UST: variants seen among roughly 807,000 people sequenced by gnomAD.
UST encodes uronyl 2-sulfotransferase.
UST carries 21 observed loss-of-function variants against 45.6 expected under a neutral mutation model. That is an observed-to-expected ratio of 0.46 (90% CI 0.33 to 0.66). The LOEUF is 0.66. UST is among the 30% of genes least tolerant of loss of function. UST has a pLI of 0.02. For missense variants in UST, 463 were observed against 512.4 expected, an observed-to-expected ratio of 0.90 and a Z score of 0.93; for synonymous variants, 215 against 200.6, an observed-to-expected ratio of 1.07 and a Z score of -0.61.
chr6:148,877,631 G>A lies in UST; in HGVS notation c.248-9355G>A, dbSNP rs189192962. ...GGGTCGTGTATGAGTGTGAGGGGTCGTGTATGAGTGTGGGGTCGTGTATGA... is the reference window on the plus strand; with the variant it reads ...GGGTCGTGTATGAGTGTGAGGGGTCATGTATGAGTGTGGGGTCGTGTATGA... On this transcript the variant is annotated intron_variant, in intron 1 of 7. Transcript: ENST00000367463. Among the ~76,000 whole-genome samples the A allele has an allele frequency of 7.6e-4, 99 of 130,640 alleles. 1 individual carries two copies. The East Asian group carries it at 0.023, about 31-fold the overall frequency. The allele number at this position is 130,640 out of a possible 152,430, so 85.7% of individuals were successfully genotyped here. A position where few individuals can be genotyped will look rare whatever the true frequency, so the allele number is the denominator to read the frequency against.
At position 149,039,695 on chromosome 6, in the gene UST, T is replaced by C. The variant is rs995142480; in HGVS notation, c.937+18214T>C. ...TTTGTAGCTTTTTCTATTTTTGTGA[T>C]CAAACAAAAAAAAGGACGACAGTGA... On this transcript the variant is annotated intron_variant, in intron 7 of 7. Transcript: ENST00000367463. 2.6e-5 allele frequency among the ~76,000 whole-genome samples: 4 copies of C among 151,984 alleles called. No individual in the cohort carries two copies. The East Asian group carries it at 7.7e-4, about 29-fold the overall frequency.
At chr6:148,784,171 T>C (rs1047588708) in intron 1 of UST, among the ~76,000 whole-genome samples, 2 of 152,140 alleles carry the variant, frequency 1.3e-5, no homozygotes, top group Non-Finnish European at 2.9e-5. Flanking sequence ...TAACCACATT[T>C]CACTCACTAT....
intron 5 of UST, among the ~76,000 whole-genome samples, chr6:148,984,706 T>A (rs1781207714): frequency 6.6e-6 from 1 of 152,128 alleles, no homozygotes; most frequent in East Asian, 1.9e-4. Context: ...AATGGGGCCT[T>A]GCTGTGTTTC....
At chr6:148,827,444 C>A (rs747333381) in intron 1 of UST, among the ~76,000 whole-genome samples, 9 of 151,990 alleles carry the variant, frequency 5.9e-5, no homozygotes, top group Non-Finnish European at 1.0e-4. Flanking sequence ...CATAGTGAAA[C>A]CTTGTCTCTA....
At chr6:149,000,565 G>A (rs1319587707) in intron 5 of UST, among the ~76,000 whole-genome samples, 1 of 151,770 alleles carries the variant, frequency 6.6e-6, no homozygotes, top group Non-Finnish European at 1.5e-5. Flanking sequence ...AAGGAACATG[G>A]AAAAAAAATC....
At chr6:148,998,705 G>A (rs1035898135) in intron 5 of UST, among the ~76,000 whole-genome samples, 1 of 152,214 alleles carries the variant, frequency 6.6e-6, no homozygotes, top group African/African-American at 2.4e-5. Context: ...CTTATTTTAA[G>A]AGTTTCATCA....
intron 1 of UST, among the ~76,000 whole-genome samples, chr6:148,855,887 G>A (rs898023777): frequency 7.9e-5 from 12 of 152,264 alleles, no homozygotes; most frequent in Admixed American, 7.8e-4. Context: ...GCAGGAACTA[G>A]GGCAGCACCT....
intron 1 of UST, among the ~76,000 whole-genome samples, chr6:148,865,199 T>C (rs1778401538): frequency 6.6e-6 from 1 of 152,222 alleles, no homozygotes; most frequent in Admixed American, 6.5e-5. Context: ...GTTAAAGGGA[T>C]TTGACTCGAA....
chr6:148,957,103 CAGTCAAG>C (rs1165219943), intron 4 of UST, among the ~76,000 whole-genome samples: 2 of 152,150 alleles, frequency 1.3e-5, no homozygotes, highest in Non-Finnish European at 2.9e-5. Flanking sequence ...ACTGGAACAG[CAGTCAAG>C]AGTTTTAAGC....
chr6:148,877,723 TG>T (rs1778712740), intron 1 of UST, among the ~76,000 whole-genome samples: 1 of 16,588 alleles, frequency 6.0e-5, no homozygotes. Flanking sequence ...ATGAGTGGGG[TG>T]GTCGTGTATG....
Position 149,027,275 on chromosome 6 carries a change from G to C in UST, c.937+5794G>C, listed in dbSNP as rs1776063459. 2.0e-5 allele frequency among the ~76,000 whole-genome samples: 3 copies of C among 152,140 alleles called. No individual in the cohort carries two copies. In the South Asian group the frequency reaches 6.2e-4, roughly 32 times the overall value. The stretch of plus-strand genomic sequence containing the variant: ...AATCCATCAATAAAAATATCAGCCT[G>C]AGTTCTATACTAAATAATAAAAGCT... On this transcript the variant is annotated intron_variant, in intron 7 of 7. Coordinates refer to ENST00000367463, the MANE Select transcript of UST (RefSeq NM_005715.3).
chr6:149,074,320 G>A lies in UST; in HGVS notation c.*204G>A. On this transcript the variant is annotated 3_prime_UTR_variant, in exon 8 of 8. Transcript: ENST00000367463. ...TTCTGTGTTTTCTCTTGGCTCTTTG[G>A]GTCTTTCCCGGGTACACTAGATGGC... 5 of 611,612 alleles carry A rather than the reference G, an allele frequency of 8.2e-6. No individual in the cohort carries two copies. The highest frequency in any genetic ancestry group is 2.9e-5 in the East Asian group (1 of 34,984). The allele number at this position is 611,612 out of a possible 1,614,324, so 37.9% of individuals were successfully genotyped here. A position where few individuals can be genotyped will look rare whatever the true frequency, so the allele number is the denominator to read the frequency against.
chr6:148,916,989 T>C (rs62426119), intron 2 of UST, among the ~76,000 whole-genome samples: 19,691 of 152,120 alleles, frequency 0.13, 1,617 homozygotes, highest in East Asian at 0.42. Flanking sequence ...CCAGCTCCCA[T>C]GTGCTCCTCT....
intron 2 of UST, among the ~76,000 whole-genome samples, chr6:148,923,685 T>C (rs930276942): frequency 6.6e-6 from 1 of 152,130 alleles, no homozygotes; most frequent in Non-Finnish European, 1.5e-5. Flanking sequence ...GGCGGGTGGA[T>C]CACAAGGTCA....
intron 2 of UST, among the ~76,000 whole-genome samples, chr6:148,887,492 G>A (rs1778934984): frequency 6.6e-6 from 1 of 152,226 alleles, no homozygotes; most frequent in Admixed American, 6.5e-5. Context: ...GGCCTGGCCT[G>A]TGAGTCCACT....
intron 5 of UST, among the ~76,000 whole-genome samples, chr6:148,977,741 G>A (rs1472197638): frequency 8.2e-5 from 9 of 110,402 alleles, no homozygotes; most frequent in Non-Finnish European, 1.6e-4. Context: ...GACAGAGTGA[G>A]AATCTGTCTC....
intron 5 of UST, among the ~76,000 whole-genome samples, chr6:148,982,281 T>A (rs1781152499): frequency 6.6e-6 from 1 of 152,102 alleles, no homozygotes; most frequent in South Asian, 2.1e-4. Flanking sequence ...TTATTTTTAG[T>A]AGAGTCGGGG....
intron 5 of UST, among the ~76,000 whole-genome samples, chr6:148,978,793 A>G (rs2486407): frequency 0.4 from 60,959 of 151,870 alleles, 12,369 homozygotes; most frequent in Admixed American, 0.49. Flanking sequence ...TACCTGTGTA[A>G]CAAACCTGCA....
Position 148,909,814 on chromosome 6 carries a change from G to A in UST, c.291+22785G>A, listed in dbSNP as rs545411333. Among the ~76,000 whole-genome samples, 1,367 of 152,198 alleles carry A rather than the reference G, an allele frequency of 9.0e-3. 18 individuals are homozygous for A. Among genetic ancestry groups the A allele is most frequent in the African/African-American group, 0.031 (1,288 of 41,498 alleles). On this transcript the variant is annotated intron_variant, in intron 2 of 7. Coordinates refer to ENST00000367463, the MANE Select transcript of UST (RefSeq NM_005715.3). ...CAATTCCTCAAGCACTGTCCCCCCC[G>A]CCACAGCAAAAATGATGGCAGATAT...
Sources: allele counts gnomAD v4.1 joint callset (sites outside exome capture counted in the v4.1 genomes callset), GRCh38; gene constraint gnomAD v4.1.1; transcripts MANE v1.5; gene names NCBI Gene and HGNC (gene_info 2026-07-23, HGNC 2026-07-21).